The following KCNMA1 variants were observed in gnomAD, a reference collection of about 807,000 sequenced individuals.
The protein encoded by KCNMA1 is potassium calcium-activated channel subfamily M alpha 1, also known as Calcium-activated potassium channel subunit alpha-1.
Under a neutral mutation model 140.0 loss-of-function variants are expected in KCNMA1, and 29 were observed. That is an observed-to-expected ratio of 0.21 (90% CI 0.15 to 0.28). KCNMA1 has a LOEUF of 0.28. KCNMA1 is among the 10% of genes least tolerant of loss of function. The pLI is 1.00. For synonymous variants in KCNMA1, 612 were observed against 611.9 expected (o/e 1.00, Z 0.00); for missense variants, 880 against 1,602.2 (o/e 0.55, Z 7.70).
At chr10:76,888,651 T>G (rs188184087) in intron 27 of KCNMA1, among the ~76,000 whole-genome samples, 108 of 152,316 alleles carry the variant, frequency 7.1e-4, no homozygotes, top group African/African-American at 2.5e-3. Flanking sequence ...AAACTGTTAT[T>G]TCTCTGCTTA....
chr10:77,002,766 C>T (rs1171361239), intron 18 of KCNMA1, among the ~76,000 whole-genome samples: 1 of 152,188 alleles, frequency 6.6e-6, no homozygotes, highest in Non-Finnish European at 1.5e-5. Flanking sequence ...GATGCTACAA[C>T]AGGCAAACAT....
chr10:77,002,612 G>A (rs1440835881), intron 18 of KCNMA1, among the ~76,000 whole-genome samples: 1 of 152,152 alleles, frequency 6.6e-6, no homozygotes, highest in East Asian at 1.9e-4. Context: ...GGTATGGTAG[G>A]TTCTGCACTG....
intron 17 of KCNMA1, chr10:77,012,648 G>T: frequency 9.7e-7 from 1 of 1,027,730 alleles, no homozygotes; most frequent in South Asian, 1.4e-5. Flanking sequence ...CTCCAAAGCT[G>T]ACTGGACCAA....
chr10:77,021,706 G>A lies in KCNMA1; in HGVS notation c.1929-2607C>T, dbSNP rs191967031. ...TACCTCACAGATCATGTGGATTCCA[G>A]GATGCCCTCTTATTCCCTGTGAACA... On this transcript the variant is annotated intron_variant, in intron 16 of 27. Transcript: ENST00000286628. Among the ~76,000 whole-genome samples, 494 of 152,304 alleles carry A rather than the reference G, an allele frequency of 3.2e-3. 2 individuals carry two copies. The highest frequency in any genetic ancestry group is 0.015 in the South Asian group (71 of 4,830).
At chr10:77,532,220 C>G (rs1317541750) in intron 1 of KCNMA1, among the ~76,000 whole-genome samples, 1 of 152,222 alleles carries the variant, frequency 6.6e-6, no homozygotes, top group Non-Finnish European at 1.5e-5. Context: ...GAGAATCCCC[C>G]CGTGTGTCAC....
At chr10:77,288,327 T>C (rs1471635137) in intron 2 of KCNMA1, among the ~76,000 whole-genome samples, 1 of 152,232 alleles carries the variant, frequency 6.6e-6, no homozygotes, top group African/African-American at 2.4e-5. Context: ...CCAGGGACAC[T>C]CCTAGTTCTG....
intron 1 of KCNMA1, among the ~76,000 whole-genome samples, chr10:77,603,625 G>A (rs145170520): frequency 2.0e-5 from 3 of 152,174 alleles, no homozygotes; most frequent in African/African-American, 7.2e-5. Context: ...GAAACAGCTG[G>A]GGCCGTAAGT....
intron 1 of KCNMA1, among the ~76,000 whole-genome samples, chr10:77,500,668 A>G (rs1033762013): frequency 6.6e-6 from 1 of 152,188 alleles, no homozygotes; most frequent in Non-Finnish European, 1.5e-5. Context: ...TCACAACACA[A>G]AACATCAAAT....
rs980576605 is a variant in KCNMA1, at chr10:77,547,302, C to A, written c.378+89963G>T. Among the ~76,000 whole-genome samples the A allele has an allele frequency of 3.3e-5, 5 of 152,196 alleles. No individual in the cohort carries two copies. The East Asian group carries it at 9.6e-4, about 29-fold the overall frequency. On this transcript the variant is annotated intron_variant, in intron 1 of 27. Transcript: ENST00000286628. ...CACTGCCTCCCCACAGGGCTGCAATCCCGACCATGGATTATTAAGGAGTCC... is the reference window on the plus strand; with the variant it reads ...CACTGCCTCCCCACAGGGCTGCAATACCGACCATGGATTATTAAGGAGTCC...
intron 1 of KCNMA1, among the ~76,000 whole-genome samples, chr10:77,476,207 G>A (rs1443871320): frequency 2.6e-5 from 4 of 152,134 alleles, no homozygotes; most frequent in African/African-American, 4.8e-5. Context: ...TAGAACTCTC[G>A]GAATGCACCA....
chr10:77,070,887 T>C (rs550239529), intron 14 of KCNMA1, among the ~76,000 whole-genome samples: 14 of 152,244 alleles, frequency 9.2e-5, no homozygotes, highest in African/African-American at 2.9e-4. Context: ...GAGAAAAATA[T>C]ATGAGGGGAA....
intron 1 of KCNMA1, among the ~76,000 whole-genome samples, chr10:77,630,103 A>T (rs974514635): frequency 6.6e-6 from 1 of 152,192 alleles, no homozygotes; most frequent in Non-Finnish European, 1.5e-5. Flanking sequence ...GCAGCTCTTC[A>T]GCCAATTCTT....
At chr10:77,240,370 A>G (rs1318009094) in intron 3 of KCNMA1, among the ~76,000 whole-genome samples, 1 of 152,182 alleles carries the variant, frequency 6.6e-6, no homozygotes, top group African/African-American at 2.4e-5. Flanking sequence ...GCAGTGTTTG[A>G]AAATGTGTTA....
Position 76,960,615 on chromosome 10 carries a change from TTTG to T in KCNMA1, c.2361-6694_2361-6692del, listed in dbSNP as rs1421777178. On this transcript the variant is annotated intron_variant, in intron 20 of 27. Coordinates refer to ENST00000286628, the MANE Select transcript of KCNMA1 (RefSeq NM_001161352.2). ...TATTGCACTTTGCAGATATTATGGT[TTTG>T]TTTTTTTTTTTTTTTTTTTTTTTTT... is the stretch of plus-strand genomic sequence containing the variant. 1.5e-3 allele frequency among the ~76,000 whole-genome samples: 199 copies of T among 132,412 alleles called. 3 individuals are homozygous for T. The highest frequency in any genetic ancestry group is 4.0e-3 in the South Asian group (16 of 4,016). 86.9% of individuals were successfully genotyped at this position (132,412 alleles called of 152,430 possible).
At chr10:77,426,169 T>C (rs2096984835) in intron 1 of KCNMA1, among the ~76,000 whole-genome samples, 2 of 152,210 alleles carry the variant, frequency 1.3e-5, no homozygotes, top group Admixed American at 6.5e-5. Context: ...AACATATTTA[T>C]GGCCCCTGAA....
chr10:77,562,962 C>T (rs1002402454), intron 1 of KCNMA1, among the ~76,000 whole-genome samples: 10 of 152,116 alleles, frequency 6.6e-5, no homozygotes, highest in African/African-American at 2.4e-4. Flanking sequence ...TCATCCCTTG[C>T]CCAGAACAGA....
In KCNMA1 at chr10:77,624,347, T is replaced by C. The variant is rs2092125089; in HGVS notation, c.378+12918A>G. Among the ~76,000 whole-genome samples the C allele has an allele frequency of 2.0e-5, 3 of 152,188 alleles. No individual in the cohort carries two copies. In the South Asian group the frequency reaches 6.2e-4, roughly 32 times the overall value. Reference sequence around the variant, plus strand: ...CCAAAAATTAAAATTAAAACCTCAATAGTGGTGTGGCTATATCATTAGAAG... The same window carrying C: ...CCAAAAATTAAAATTAAAACCTCAACAGTGGTGTGGCTATATCATTAGAAG... On this transcript the variant is annotated intron_variant, in intron 1 of 27. Coordinates refer to ENST00000286628, the MANE Select transcript of KCNMA1 (RefSeq NM_001161352.2).
At chr10:77,475,231 G>A (rs2098252651) in intron 1 of KCNMA1, among the ~76,000 whole-genome samples, 1 of 152,216 alleles carries the variant, frequency 6.6e-6, no homozygotes, top group African/African-American at 2.4e-5. Flanking sequence ...ACAAGGACAG[G>A]TGGGTGCCCA....
At chr10:77,228,750 T>C (rs2154199427) in intron 3 of KCNMA1, among the ~76,000 whole-genome samples, 1 of 152,332 alleles carries the variant, frequency 6.6e-6, no homozygotes, top group East Asian at 1.9e-4. Context: ...GCTTTGCTCT[T>C]TCCCTCCCTC....
Sources: gnomAD v4.1 joint callset for allele counts (sites outside exome capture counted in the v4.1 genomes callset) on GRCh38, gnomAD v4.1.1 for gene constraint, MANE v1.5 for transcripts, NCBI Gene and HGNC (gene_info 2026-07-23, HGNC 2026-07-21) for gene names.